The following GPAT4 variants were observed in gnomAD, a reference collection of about 807,000 sequenced individuals.
GPAT4 encodes glycerol-3-phosphate acyltransferase 4, also known as 1-AGP acyltransferase 6.
In GPAT4, 17 loss-of-function variants were observed where a neutral mutation model predicts 58.0. That is an observed-to-expected ratio of 0.29 (90% confidence interval 0.20 to 0.44). GPAT4 has a LOEUF of 0.44. Ranked by LOEUF, GPAT4 falls within the 20% of genes least tolerant of loss-of-function variation. The pLI is 1.00. For synonymous variants in GPAT4, 204 were observed against 210.1 expected, an observed-to-expected ratio of 0.97 and a Z score of 0.25; for missense variants, 377 against 574.5, an observed-to-expected ratio of 0.66 and a Z score of 3.51.
rs547166919 is a variant in GPAT4 at position 41,579,887 on chromosome 8, C to T, written c.-849+1609C>T. Among the ~76,000 whole-genome samples, 189 of 152,108 alleles carry T rather than the reference C, an allele frequency of 1.2e-3. 1 individual carries two copies. Among genetic ancestry groups the T allele is most frequent in the Non-Finnish European group, 2.0e-3 (137 of 67,976 alleles). ...TGTTTCAGATCTGGATGAGAACATT[C>T]GGAACGTCCTGTTCAATGTTTTCAT... On this transcript the variant is annotated intron_variant, in intron 1 of 12. Transcript: ENST00000396987.
chr8:41,614,883 A>T, intron 9 of GPAT4, 80 bp from the exon 10 acceptor site: 1 of 1,174,306 alleles, frequency 8.5e-7, no homozygotes, highest in African/African-American at 1.5e-5. Flanking sequence ...TTTGACTATT[A>T]TACTTAGTCT....
At chr8:41,609,593 C>T (rs1166910333) in intron 3 of GPAT4, 62 bp from the exon 4 acceptor site, 5 of 1,602,640 alleles carry the variant, frequency 3.1e-6, no homozygotes, top group Admixed American at 3.3e-5. Context: ...GATGTGTGCT[C>T]TGAGTATGTC....
At chr8:41,593,951 A>G (rs1351091453) in intron 1 of GPAT4, among the ~76,000 whole-genome samples, 1 of 152,212 alleles carries the variant, frequency 6.6e-6, no homozygotes, top group Non-Finnish European at 1.5e-5. Context: ...ACACCATTTT[A>G]TATTTGACAA....
intron 10 of GPAT4, among the ~76,000 whole-genome samples, chr8:41,615,538 A>G (rs1313239909): frequency 6.6e-6 from 1 of 152,084 alleles, no homozygotes; most frequent in Non-Finnish European, 1.5e-5. Context: ...AACAGCTCCT[A>G]ACAATGAGAT....
At chr8:41,610,367 C>T (rs1563277395) in intron 4 of GPAT4, 3 of 1,225,200 alleles carry the variant, frequency 2.4e-6, no homozygotes, top group Non-Finnish European at 3.1e-6. Context: ...CCTTCAAGCT[C>T]CACCTCCTGT....
At chr8:41,591,282 C>G (rs944627329) in intron 1 of GPAT4, among the ~76,000 whole-genome samples, 2 of 152,148 alleles carry the variant, frequency 1.3e-5, no homozygotes, top group Admixed American at 1.3e-4. Flanking sequence ...CTACCAGGCC[C>G]AGGGTGTGGT....
chr8:41,584,464 A>C (rs1802601772), intron 1 of GPAT4, among the ~76,000 whole-genome samples: 1 of 152,242 alleles, frequency 6.6e-6, no homozygotes, highest in South Asian at 2.1e-4. Flanking sequence ...ATATACTGGA[A>C]TACAGCTCAG....
chr8:41,610,042 T>C (rs1803397378), intron 4 of GPAT4, 87 bp downstream of exon 4: 5 of 1,515,412 alleles, frequency 3.3e-6, no homozygotes, highest in South Asian at 2.7e-5. Context: ...TGTATTCCCG[T>C]TTTAGAAAGG....
chr8:41,609,342 T>G, intron 2 of GPAT4, 74 bp from the exon 3 acceptor site: 2 of 1,448,758 alleles, frequency 1.4e-6, no homozygotes, highest in Non-Finnish European at 1.9e-6. Context: ...TTTCACAGAA[T>G]AGAGATGGAG....
At chr8:41,612,411 C>G in intron 7 of GPAT4, 138 bp downstream of exon 7, 1 of 804,598 alleles carries the variant, frequency 1.2e-6, no homozygotes, top group Non-Finnish European at 2.0e-6. Context: ...TGTGGGGGCT[C>G]TGTGGGACTG....
intron 2 of GPAT4, among the ~76,000 whole-genome samples, chr8:41,603,325 G>A (rs1325743543): frequency 5.9e-5 from 9 of 152,004 alleles, no homozygotes; most frequent in African/African-American, 1.2e-4. Flanking sequence ...TCGGGAGTTC[G>A]AGACCAGCCT....
At chr8:41,619,019 A>G in intron 12 of GPAT4, 42 bp downstream of exon 12, 3 of 1,600,516 alleles carry the variant, frequency 1.9e-6, no homozygotes, top group Non-Finnish European at 2.6e-6. Flanking sequence ...TTTCTGCAGC[A>G]GATGCTGTGT....
Position 41,620,994 on chromosome 8 carries a change from G to T in GPAT4, c.1364G>T (p.Arg455Leu). The change falls in exon 13 of 13, where the codon CGC becomes CTC. Residue 455 changes from arginine (R) to leucine (L), a missense_variant. Physicochemically the swap from Arg to Leu is moderately radical, Grantham distance 102. Transcript: ENST00000396987. Reference sequence around the variant, plus strand: ...GTGGGGAACCACAAGGACAGGAGCCGCTCCTGAGCCTGCCTCCAGCTGGCT... The same window carrying T: ...GTGGGGAACCACAAGGACAGGAGCCTCTCCTGAGCCTGCCTCCAGCTGGCT... ...MIVGNHKDRS[R>L]S 1 of 1,551,010 alleles carries T rather than the reference G, an allele frequency of 6.4e-7. No individual in the cohort carries two copies. Among genetic ancestry groups the T allele is most frequent in the African/African-American group, 1.4e-5 (1 of 73,162 alleles).
intron 10 of GPAT4, among the ~76,000 whole-genome samples, chr8:41,615,639 T>A (rs1160825301): frequency 6.6e-6 from 1 of 152,170 alleles, no homozygotes; most frequent in East Asian, 1.9e-4. Flanking sequence ...TGTGATTAGC[T>A]AGTCATCTGC....
In GPAT4 at chr8:41,623,978, CAGG is replaced by C. The variant is rs1563283286; in HGVS notation, c.*2978_*2980del. ...CTCAGCCTCCAAGTAGCTGAGATTACAGGCATGCACCACCACACCCAGCTAATT... is the reference window on the plus strand; with the variant it reads ...CTCAGCCTCCAAGTAGCTGAGATTACCATGCACCACCACACCCAGCTAATT... On this transcript the variant is annotated 3_prime_UTR_variant, in exon 13 of 13. Transcript: ENST00000396987. The C allele has an allele frequency of 6.6e-6, 1 of 152,220 alleles. No homozygotes were observed. Among genetic ancestry groups the C allele is most frequent in the Admixed American group, 6.5e-5 (1 of 15,270 alleles). The allele number at this position is 152,220 out of a possible 1,614,324, so 9.4% of individuals were successfully genotyped here.
At chr8:41,589,040 G>A (rs905220082) in intron 1 of GPAT4, among the ~76,000 whole-genome samples, 5 of 152,158 alleles carry the variant, frequency 3.3e-5, no homozygotes, top group Non-Finnish European at 7.4e-5. Flanking sequence ...TTTACTTGAG[G>A]CAAAGTGATA....
chr8:41,622,859 T>C lies in GPAT4; in HGVS notation c.*1858T>C, dbSNP rs1427043494. On this transcript the variant is annotated 3_prime_UTR_variant, in exon 13 of 13. Transcript: ENST00000396987. ...GTCTCTTAGGAACTGTTTTACAAAATGCTTAAGAATAAAAAGTGATTTTCA... is the reference window on the plus strand; with the variant it reads ...GTCTCTTAGGAACTGTTTTACAAAACGCTTAAGAATAAAAAGTGATTTTCA... 2.0e-5 allele frequency: 3 copies of C among 152,244 alleles called. No homozygotes were observed. Among genetic ancestry groups the C allele is most frequent in the Non-Finnish European group, 4.4e-5 (3 of 68,038 alleles). The allele number at this position is 152,244 out of a possible 1,614,324, so 9.4% of individuals were successfully genotyped here. A position where few individuals can be genotyped will look rare whatever the true frequency, so the allele number is the denominator to read the frequency against.
intron 1 of GPAT4, among the ~76,000 whole-genome samples, chr8:41,587,875 A>T (rs929908799): frequency 6.6e-6 from 1 of 152,082 alleles, no homozygotes; most frequent in Non-Finnish European, 1.5e-5. Flanking sequence ...CCCTTTTTAC[A>T]CTCCAACCAG....
At chr8:41,615,103 T>C in intron 10 of GPAT4, 55 bp downstream of exon 10, 1 of 1,485,918 alleles carries the variant, frequency 6.7e-7, no homozygotes, top group Non-Finnish European at 9.4e-7. Flanking sequence ...GTGAGTGGGG[T>C]GCAGCAGGAG....
Sources: allele counts gnomAD v4.1 joint callset (sites outside exome capture counted in the v4.1 genomes callset), GRCh38; gene constraint gnomAD v4.1.1; transcripts MANE v1.5; gene names NCBI Gene and HGNC (gene_info 2026-07-23, HGNC 2026-07-21).